Variants in HDAC8 observed in about 807,000 individuals in gnomAD.
HDAC8 encodes histone deacetylase-like 1.
HDAC8 carries 1 observed loss-of-function variant against 32.2 expected under a neutral mutation model. That is an observed-to-expected ratio of 0.03 (90% CI 0.01 to 0.15). The LOEUF is 0.15. Among genes scored for constraint, HDAC8 ranks in the 10% least tolerant of loss-of-function variants. The pLI is 1.00. For synonymous variants in HDAC8, 108 were observed against 113.9 expected, an observed-to-expected ratio of 0.95 and a Z score of 0.33; for missense variants, 117 against 300.0, an observed-to-expected ratio of 0.39 and a Z score of 4.51.
At chrX:72,474,083 A>G in intron 7 of HDAC8, 2 of 732,282 alleles carry the variant, frequency 2.7e-6, no homozygotes, top group South Asian at 1.4e-4. Context: ...CTTGACCCAG[A>G]TTTTATAAAC....
At chrX:72,528,388 T>G (rs2050225033) in intron 4 of HDAC8, among the ~76,000 whole-genome samples, 1 of 112,152 alleles carries the variant, frequency 8.9e-6, no homozygotes, top group Non-Finnish European at 1.9e-5. Context: ...TTAATCTGTG[T>G]GGCTGCAGGA....
intron 4 of HDAC8, among the ~76,000 whole-genome samples, chrX:72,497,340 G>A (rs1325993351): frequency 9.0e-6 from 1 of 111,598 alleles, no homozygotes; most frequent in Non-Finnish European, 1.9e-5. Context: ...GAAATAATAA[G>A]TGTTTAGATA....
At chrX:72,448,589 C>T (rs1386659408) in intron 9 of HDAC8, among the ~76,000 whole-genome samples, 2 of 112,122 alleles carry the variant, frequency 1.8e-5, no homozygotes, top group Admixed American at 9.5e-5. Context: ...CAAATGGGAT[C>T]TAATTAAACT....
At chrX:72,497,536 G>T (rs184053404) in intron 4 of HDAC8, among the ~76,000 whole-genome samples, 1 of 111,834 alleles carries the variant, frequency 8.9e-6, no homozygotes, top group East Asian at 2.8e-4. Context: ...AACCAGCCAT[G>T]TCTTTTCTGA....
chrX:72,352,233 C>T (rs1254165819), intron 9 of HDAC8, among the ~76,000 whole-genome samples: 1 of 111,077 alleles, frequency 9.0e-6, no homozygotes, highest in Non-Finnish European at 1.9e-5. Context: ...AGGCCCTCCC[C>T]CAGTCCCCAC....
chrX:72,552,286 A>AC (rs1479839890), intron 4 of HDAC8, among the ~76,000 whole-genome samples: 1 of 107,407 alleles, frequency 9.3e-6, no homozygotes, highest in African/African-American at 3.4e-5. Flanking sequence ...ACATAAGGAG[A>AC]CCCCATCTCT....
rs370463909 is a variant in HDAC8, at chrX:72,400,801, C to T, written c.1006-48963G>A. The stretch of plus-strand genomic sequence containing the variant: ...GTCATTCTCCATTACCCACCTCTCA[C>T]CCCCCTGAATGTTGCCCTCGGCAGC... On this transcript the variant is annotated intron_variant, in intron 9 of 10. Coordinates refer to ENST00000373573, the MANE Select transcript of HDAC8 (RefSeq NM_018486.3). Among the ~76,000 whole-genome samples the T allele has an allele frequency of 1.9e-4, 21 of 111,982 alleles. No homozygotes were observed. In the East Asian group the frequency reaches 4.5e-3, roughly 24 times the overall value.
intron 4 of HDAC8, among the ~76,000 whole-genome samples, chrX:72,533,978 A>C (rs868954952): frequency 9.0e-6 from 1 of 110,877 alleles, no homozygotes. Flanking sequence ...ACTTCTATTC[A>C]ACATTATATT....
At chrX:72,441,748 G>T (rs1395832608) in intron 9 of HDAC8, among the ~76,000 whole-genome samples, 1 of 111,570 alleles carries the variant, frequency 9.0e-6, no homozygotes, top group African/African-American at 3.3e-5. Context: ...AGCTACAGGA[G>T]GAAATTCAAA....
rs557200288 is a variant in HDAC8 at position 72,370,654 on chromosome X, C to T, written c.1006-18816G>A. ...GATTACAGGCGTGAGCCACTGTGCCCGGCCAAAGGGGAGTTTATTAAGTAT... is the reference window on the plus strand; with the variant it reads ...GATTACAGGCGTGAGCCACTGTGCCTGGCCAAAGGGGAGTTTATTAAGTAT... On this transcript the variant is annotated intron_variant, in intron 9 of 10. Transcript: ENST00000373573. 2.6e-4 allele frequency among the ~76,000 whole-genome samples: 29 copies of T among 112,094 alleles called. No homozygotes were observed. In the South Asian group the frequency reaches 9.0e-3, roughly 35 times the overall value.
At chrX:72,489,252 A>G in intron 6 of HDAC8, 1 of 498,666 alleles carries the variant, frequency 2.0e-6, no homozygotes, top group Non-Finnish European at 3.6e-6. Context: ...TGAAAAAATA[A>G]GAGATTAACT....
At chrX:72,408,947 A>G (rs782114153) in intron 9 of HDAC8, among the ~76,000 whole-genome samples, 25 of 111,707 alleles carry the variant, frequency 2.2e-4, no homozygotes, top group Non-Finnish European at 4.1e-4. Context: ...AATTAGCATA[A>G]CACTCAGAAT....
chrX:72,365,341 T>C (rs1602592195), intron 9 of HDAC8, among the ~76,000 whole-genome samples: 1 of 111,846 alleles, frequency 8.9e-6, no homozygotes, highest in South Asian at 3.8e-4. Context: ...GCTGGGGAGA[T>C]GATAATGACA....
chrX:72,378,896 C>T (rs928796300), intron 9 of HDAC8, among the ~76,000 whole-genome samples: 20 of 107,693 alleles, frequency 1.9e-4, no homozygotes, highest in Admixed American at 1.3e-3. Flanking sequence ...TCAGTCTTGT[C>T]GCCAAGGCTG....
chrX:72,337,469 T>C (rs1290033178), intron 10 of HDAC8, among the ~76,000 whole-genome samples: 2 of 111,595 alleles, frequency 1.8e-5, no homozygotes, highest in Admixed American at 1.9e-4. Flanking sequence ...GGGTCATCCT[T>C]ACTCCTCCTT....
intron 4 of HDAC8, among the ~76,000 whole-genome samples, chrX:72,564,505 T>C (rs1475743518): frequency 8.9e-6 from 1 of 112,684 alleles, no homozygotes; most frequent in African/African-American, 3.2e-5. Context: ...CTTAGAAAAT[T>C]CTTCCCCTTT....
At chrX:72,345,056 C>T (rs782521789) in intron 10 of HDAC8, among the ~76,000 whole-genome samples, 1 of 111,688 alleles carries the variant, frequency 9.0e-6, no homozygotes, top group South Asian at 3.8e-4. Flanking sequence ...CTATTCAAAT[C>T]CTCCCTAACC....
intron 4 of HDAC8, among the ~76,000 whole-genome samples, chrX:72,510,168 T>C (rs1267077220): frequency 8.9e-6 from 1 of 112,182 alleles, no homozygotes; most frequent in Non-Finnish European, 1.9e-5. Flanking sequence ...CTTTCTTCTA[T>C]AAACTCAATT....
chrX:72,362,667 T>C (rs956012715), intron 9 of HDAC8, among the ~76,000 whole-genome samples: 10 of 112,652 alleles, frequency 8.9e-5, no homozygotes, highest in African/African-American at 2.9e-4. Flanking sequence ...CAGTAAATAC[T>C]ATTAAATGCT....
Sources: allele counts gnomAD v4.1 joint callset (sites outside exome capture counted in the v4.1 genomes callset), GRCh38; gene constraint gnomAD v4.1.1; transcripts MANE v1.5; gene names NCBI Gene and HGNC (gene_info 2026-07-23, HGNC 2026-07-21).